Variants in HADHA observed in about 807,000 individuals in gnomAD.
HADHA encodes hydroxyacyl-CoA dehydrogenase trifunctional multienzyme complex subunit alpha, also known as trifunctional enzyme subunit alpha, mitochondrial.
A neutral mutation model predicts 91.3 loss-of-function variants in HADHA; 59 were observed. The ratio of observed to expected loss-of-function variants is 0.65; its 90% CI spans 0.52 to 0.80. HADHA has a LOEUF of 0.80. Among genes scored for constraint, HADHA ranks in the 30% least tolerant of loss-of-function variants. HADHA has a pLI of 0.00. For missense variants in HADHA, 800 were observed against 927.6 expected, an observed-to-expected ratio of 0.86 and a Z score of 1.79; for synonymous variants, 320 against 338.9, an observed-to-expected ratio of 0.94 and a Z score of 0.61.
At position 26,234,881 on chromosome 2, in the gene HADHA, G is replaced by A. The variant is rs151085409; in HGVS notation, c.315-526C>T. Among the ~76,000 whole-genome samples, 6 of 152,216 alleles carry A rather than the reference G, an allele frequency of 3.9e-5. No individual in the cohort carries two copies. The East Asian group carries it at 1.2e-3, about 29-fold the overall frequency. ...CTTGGTACAAGGGAAAATCATCTTT[G>A]GTAAATTACTTCACTATCAGATTAA... On this transcript the variant is annotated intron_variant, in intron 4 of 19. Transcript: ENST00000380649.
chr2:26,220,417 C>A lies in HADHA; in HGVS notation c.677-5242G>T, dbSNP rs546411201. Among the ~76,000 whole-genome samples the A allele has an allele frequency of 2.0e-5, 3 of 152,216 alleles. No individual in the cohort carries two copies. In the East Asian group the frequency reaches 5.8e-4, roughly 29 times the overall value. ...GAGTAAACCAAAGCAACACCACAAT[C>A]CTGGAGGGACTGCAGAGATTAGTGT... On this transcript the variant is annotated intron_variant, in intron 7 of 19. Coordinates refer to ENST00000380649, the MANE Select transcript of HADHA (RefSeq NM_000182.5).
intron 4 of HADHA, 116 bp from the exon 5 acceptor site, chr2:26,234,471 T>A: frequency 1.1e-6 from 1 of 891,070 alleles, no homozygotes; most frequent in Non-Finnish European, 1.8e-6. Flanking sequence ...ATGACAAATC[T>A]TCAAATAGAA....
At chr2:26,197,178 C>G (rs895979171) in intron 14 of HADHA, among the ~76,000 whole-genome samples, 1 of 152,180 alleles carries the variant, frequency 6.6e-6, no homozygotes, top group East Asian at 1.9e-4. Flanking sequence ...CTTAATTACT[C>G]TGGTTGAGAG....
chr2:26,234,322 T>G lies in HADHA; in HGVS notation c.348A>C (p.Val116=). Reference sequence around the variant, plus strand: ...TCTGTGCTTCTTGTGATAGCTGTGTTACTTCTTGAAGGGTCTTGCAAGCGG... The same window carrying G: ...TCTGTGCTTCTTGTGATAGCTGTGTGACTTCTTGAAGGGTCTTGCAAGCGG... ...MLAACKTLQE[V]TQLSQEAQRI... Residue 116 remains valine (V), a synonymous_variant, in exon 5 of 20, where the codon GTA becomes GTC. Coordinates refer to ENST00000380649, the MANE Select transcript of HADHA (RefSeq NM_000182.5). 2.5e-6 allele frequency: 4 copies of G among 1,613,402 alleles called. No individual in the cohort carries two copies. The highest frequency in any genetic ancestry group is 3.4e-6 in the Non-Finnish European group (4 of 1,179,278).
rs189370474 is a variant in HADHA, at chr2:26,195,409, G to A, written c.1480-177C>T. Among the ~76,000 whole-genome samples the A allele has an allele frequency of 1.5e-4, 23 of 152,134 alleles. No individual in the cohort carries two copies. In the East Asian group the frequency reaches 4.2e-3, roughly 28 times the overall value. ...TTGATAAAAGTTTAGTATGTTTAGG[G>A]AGAGCACATTGGAATCCTCCTCTTC... is the stretch of plus-strand genomic sequence containing the variant. On this transcript the variant is annotated intron_variant, in intron 14 of 19. Coordinates refer to ENST00000380649, the MANE Select transcript of HADHA (RefSeq NM_000182.5).
intron 10 of HADHA, chr2:26,212,000 T>G (rs1426679206): frequency 6.4e-6 from 1 of 155,224 alleles, no homozygotes; most frequent in Non-Finnish European, 1.4e-5. Flanking sequence ...TTGAAAGGAT[T>G]AGAACTCTGT....
intron 7 of HADHA, among the ~76,000 whole-genome samples, chr2:26,217,810 C>T (rs1187125830): frequency 2.6e-5 from 4 of 151,838 alleles, no homozygotes; most frequent in Admixed American, 6.6e-5. Context: ...GAGAGGCTGA[C>T]GTGGAAAGAT....
At chr2:26,213,259 A>G (rs1206633899) in intron 9 of HADHA, among the ~76,000 whole-genome samples, 1 of 151,866 alleles carries the variant, frequency 6.6e-6, no homozygotes, top group Non-Finnish European at 1.5e-5. Context: ...TATTTTTACT[A>G]TTCTATCTCA....
rs551382537 is a variant in HADHA, at chr2:26,207,319, GTT to G, written c.1085+2459_1085+2460del. ...AGAAAAAGAATGCATTATTTAGTAG[GTT>G]TTTTTTTTTTTTTTTGGTGGGAGGG... On this transcript the variant is annotated intron_variant, in intron 11 of 19. Coordinates refer to ENST00000380649, the MANE Select transcript of HADHA (RefSeq NM_000182.5). Among the ~76,000 whole-genome samples, 1,306 of 131,026 alleles carry G rather than the reference GTT, an allele frequency of 1.0e-2. 18 individuals carry two copies. The highest frequency in any genetic ancestry group is 0.032 in the African/African-American group (1,164 of 36,052). The allele number at this position is 131,026 out of a possible 152,430, so 86.0% of individuals were successfully genotyped here. A position where few individuals can be genotyped will look rare whatever the true frequency, so the allele number is the denominator to read the frequency against.
chr2:26,200,266 T>C (rs1223541228), intron 13 of HADHA, among the ~76,000 whole-genome samples: 1 of 152,210 alleles, frequency 6.6e-6, no homozygotes, highest in African/African-American at 2.4e-5. Context: ...ATGTTCACCT[T>C]TCAGTAACCC....
chr2:26,192,219 T>TAAA, intron 18 of HADHA, 91 bp downstream of exon 18: 31 of 658,730 alleles, frequency 4.7e-5, no homozygotes, highest in South Asian at 6.8e-5. Flanking sequence ...CTTAAAGTAT[T>TAAA]AAAAAAAAAA....
At chr2:26,191,747 C>T (rs774667417) in intron 18 of HADHA, 119 bp from the exon 19 acceptor site, 2 of 1,015,850 alleles carry the variant, frequency 2.0e-6, no homozygotes, top group African/African-American at 1.6e-5. Flanking sequence ...CCGGTTGGTG[C>T]TGGCCCTCAG....
intron 1 of HADHA, among the ~76,000 whole-genome samples, chr2:26,243,471 T>C (rs1349532461): frequency 1.3e-5 from 2 of 152,032 alleles, no homozygotes; most frequent in East Asian, 1.9e-4. Context: ...TATGTTATAA[T>C]TGGCAAATAC....
intron 9 of HADHA, 29 bp from the exon 10 acceptor site, chr2:26,212,655 C>T (rs1388116365): frequency 3.4e-6 from 5 of 1,487,466 alleles, no homozygotes; most frequent in African/African-American, 1.4e-5. Flanking sequence ...ACTTGCTCAG[C>T]GTTGGAATAG....
rs779065171 is a variant in HADHA, at chr2:26,191,253, C to G, written c.2289G>C (p.Gln763His). 6.2e-7 allele frequency: 1 copy of G among 1,612,470 alleles called. No individual in the cohort carries two copies. The highest frequency in any genetic ancestry group is 8.5e-7 in the Non-Finnish European group (1 of 1,180,004). ...HANSPNKKFY[Q>H] is the part of the protein sequence containing the mutation. ...CTGAGCGAGGCATGAGGCCTGCTCA[C>G]TGGTAGAACTTCTTGTTAGGGCTGT... Residue 763 changes from glutamine (Q) to histidine (H), a missense_variant, in exon 20 of 20, where the codon CAG (glutamine) becomes CAC (histidine). Physicochemically the swap from Gln to His is conservative, Grantham distance 24. Transcript: ENST00000380649.
rs1670691595 is a variant in HADHA, at chr2:26,234,157, C to T, written c.453+60G>A. 1.2e-5 allele frequency: 18 copies of T among 1,503,854 alleles called. 1 individual carries two copies. In the South Asian group the frequency reaches 1.8e-4, roughly 15 times the overall value. 93.2% of individuals were successfully genotyped at this position (1,503,854 alleles called of 1,614,324 possible). On this transcript the variant is annotated intron_variant, in intron 5 of 19. Coordinates refer to ENST00000380649, the MANE Select transcript of HADHA (RefSeq NM_000182.5). ...GGCAAAGCAGTAGCCTAAGGGTTTA[C>T]AGCTGATGAATGCCACCAATGAGTT...
At chr2:26,244,418 G>C in intron 1 of HADHA, 112 bp downstream of exon 1, 2 of 1,071,648 alleles carry the variant, frequency 1.9e-6, no homozygotes, top group Non-Finnish European at 2.8e-6. Context: ...ACAGAGGGCT[G>C]CGTCTCCGGG....
intron 7 of HADHA, among the ~76,000 whole-genome samples, chr2:26,226,350 A>C (rs1175386675): frequency 6.6e-6 from 1 of 152,226 alleles, no homozygotes; most frequent in East Asian, 1.9e-4. Flanking sequence ...ACAAATGCAA[A>C]GGAACTAGTA....
intron 17 of HADHA, among the ~76,000 whole-genome samples, chr2:26,193,125 C>T (rs993715261): frequency 6.6e-6 from 1 of 151,758 alleles, no homozygotes; most frequent in East Asian, 1.9e-4. Flanking sequence ...TGGTAAAGCC[C>T]GGATGCAGAG....
Sources: allele counts gnomAD v4.1 joint callset (sites outside exome capture counted in the v4.1 genomes callset), GRCh38; gene constraint gnomAD v4.1.1; transcripts MANE v1.5; gene names NCBI Gene and HGNC (gene_info 2026-07-23, HGNC 2026-07-21).